C8orf34: variants seen among roughly 807,000 people sequenced by gnomAD.
C8orf34 encodes chromosome 8 open reading frame 34.
C8orf34 carries 65 observed loss-of-function variants against 68.3 expected under a neutral mutation model. That is an observed-to-expected ratio of 0.95 (90% CI 0.78 to 1.17). The LOEUF (loss-of-function observed/expected upper bound fraction) is 1.17. Among genes scored for constraint, C8orf34 ranks in the 50% most tolerant of loss-of-function variants. The pLI is 0.00. For synonymous variants in C8orf34, 244 were observed against 241.2 expected (o/e 1.01, Z -0.11); for missense variants, 664 against 655.4 (o/e 1.01, Z -0.14).
At chr8:68,745,589 T>C (rs1029878701) in intron 10 of C8orf34, among the ~76,000 whole-genome samples, 12 of 152,004 alleles carry the variant, frequency 7.9e-5, no homozygotes. Context: ...GCAATCCTAG[T>C]CTCTGATAAA....
intron 7 of C8orf34, among the ~76,000 whole-genome samples, chr8:68,570,004 G>A (rs1816714854): frequency 6.6e-6 from 1 of 152,138 alleles, no homozygotes; most frequent in African/African-American, 2.4e-5. Flanking sequence ...TCCCCAGACT[G>A]AGTCTCTTCT....
At chr8:68,801,112 G>A (rs1354218670) in intron 12 of C8orf34, among the ~76,000 whole-genome samples, 1 of 152,116 alleles carries the variant, frequency 6.6e-6, no homozygotes. Context: ...GGCTCAAGCT[G>A]ATAGCTAAGG....
intron 10 of C8orf34, among the ~76,000 whole-genome samples, chr8:68,738,583 T>G (rs957511731): frequency 2.0e-5 from 3 of 151,300 alleles, no homozygotes; most frequent in African/African-American, 7.3e-5. Flanking sequence ...ACAAACACAA[T>G]CAGAAACAAC....
chr8:68,759,492 C>T (rs549720294), intron 10 of C8orf34, among the ~76,000 whole-genome samples: 1 of 152,286 alleles, frequency 6.6e-6, no homozygotes, highest in Non-Finnish European at 1.5e-5. Flanking sequence ...CTTATATTTC[C>T]AGCCTGCCAA....
intron 12 of C8orf34, among the ~76,000 whole-genome samples, chr8:68,797,743 C>T (rs549698026): frequency 6.6e-5 from 10 of 152,178 alleles, no homozygotes; most frequent in African/African-American, 2.4e-4. Context: ...AAAGTGTGCA[C>T]TGTATGGAAT....
chr8:68,336,289 G>A (rs1225359612), intron 1 of C8orf34, among the ~76,000 whole-genome samples: 1 of 152,020 alleles, frequency 6.6e-6, no homozygotes, highest in African/African-American at 2.4e-5. Context: ...TAAGTTGGGA[G>A]TTCACCTGGA....
intron 7 of C8orf34, among the ~76,000 whole-genome samples, chr8:68,608,105 G>C (rs902249721): frequency 6.9e-6 from 1 of 145,622 alleles, no homozygotes; most frequent in African/African-American, 2.7e-5. Context: ...GGGCAGAGAA[G>C]TAGACACCAA....
intron 5 of C8orf34, among the ~76,000 whole-genome samples, chr8:68,500,938 A>G (rs1813743614): frequency 6.6e-6 from 1 of 152,170 alleles, no homozygotes; most frequent in African/African-American, 2.4e-5. Context: ...AATAAGAGAC[A>G]TTTGCCATGG....
intron 11 of C8orf34, among the ~76,000 whole-genome samples, chr8:68,786,240 C>A (rs972364824): frequency 2.6e-5 from 4 of 152,030 alleles, no homozygotes; most frequent in African/African-American, 7.2e-5. Flanking sequence ...AATTTAAAGT[C>A]GTTATTTTGT....
intron 10 of C8orf34, among the ~76,000 whole-genome samples, chr8:68,760,676 A>G (rs1563653684): frequency 6.6e-6 from 1 of 152,170 alleles, no homozygotes; most frequent in Non-Finnish European, 1.5e-5. Context: ...TTTCCTTTAA[A>G]TGACTTTATG....
At chr8:68,754,033 T>C (rs931855138) in intron 10 of C8orf34, among the ~76,000 whole-genome samples, 1 of 152,144 alleles carries the variant, frequency 6.6e-6, no homozygotes, top group African/African-American at 2.4e-5. Flanking sequence ...CCAGTATCTG[T>C]AGTTGATGTC....
At chr8:68,643,685 T>C (rs1819080876) in intron 8 of C8orf34, among the ~76,000 whole-genome samples, 1 of 152,122 alleles carries the variant, frequency 6.6e-6, no homozygotes, top group Non-Finnish European at 1.5e-5. Context: ...TCATGAGGGT[T>C]CCACCCTTGT....
At chr8:68,425,270 G>A (rs1810160655) in intron 1 of C8orf34, among the ~76,000 whole-genome samples, 1 of 152,122 alleles carries the variant, frequency 6.6e-6, no homozygotes, top group African/African-American at 2.4e-5. Context: ...ATATTTCTGG[G>A]AGTTCTTGCC....
intron 3 of C8orf34, among the ~76,000 whole-genome samples, chr8:68,465,493 C>T (rs1044132281): frequency 6.6e-6 from 1 of 151,862 alleles, no homozygotes; most frequent in Non-Finnish European, 1.5e-5. Flanking sequence ...TATAAAGACA[C>T]ATGCACACGT....
chr8:68,533,357 G>A, intron 7 of C8orf34: 3 of 1,292,758 alleles, frequency 2.3e-6, no homozygotes, highest in Non-Finnish European at 2.9e-6. Flanking sequence ...TTATTAGACT[G>A]TATTTTGTGC....
intron 5 of C8orf34, among the ~76,000 whole-genome samples, chr8:68,515,155 A>C (rs773473181): frequency 6.6e-6 from 1 of 152,178 alleles, no homozygotes. Flanking sequence ...AAATATATAC[A>C]ATTTTTGTCA....
intron 4 of C8orf34, among the ~76,000 whole-genome samples, chr8:68,473,504 C>A (rs1351903952): frequency 6.6e-6 from 1 of 152,158 alleles, no homozygotes; most frequent in Non-Finnish European, 1.5e-5. Context: ...CCCAGATAGC[C>A]TTTTCCTATT....
chr8:68,533,857 A>G (rs973322239), intron 7 of C8orf34: 3 of 976,276 alleles, frequency 3.1e-6, no homozygotes, highest in Non-Finnish European at 3.7e-6. Flanking sequence ...ATCCACATAT[A>G]AAACAATGAG....
At chr8:68,490,070 C>G (rs1317420581) in intron 5 of C8orf34, among the ~76,000 whole-genome samples, 1 of 152,106 alleles carries the variant, frequency 6.6e-6, no homozygotes, top group East Asian at 1.9e-4. Context: ...TTTCTAGTCC[C>G]CCCTCTGTGT....
Sources: allele counts gnomAD v4.1 joint callset (sites outside exome capture counted in the v4.1 genomes callset), GRCh38; gene constraint gnomAD v4.1.1; transcripts MANE v1.5; gene names NCBI Gene and HGNC (gene_info 2026-07-23, HGNC 2026-07-21).